The following DSCAML1 variants were observed in gnomAD, a reference collection of about 807,000 sequenced individuals.
DSCAML1 encodes the protein cell adhesion molecule DSCAML1.
A neutral mutation model predicts 200.5 loss-of-function variants in DSCAML1; 38 were observed. The observed-to-expected ratio is 0.19, with a 90% CI of 0.15 to 0.25. The LOEUF is 0.25. DSCAML1 is among the 10% of genes least tolerant of loss of function. The probability of loss-of-function intolerance (pLI) is 1.00; values close to 1 mark genes in which losing one functional copy is unlikely to be tolerated. For synonymous variants in DSCAML1, 1,215 were observed against 1,165.0 expected, an observed-to-expected ratio of 1.04 and a Z score of -0.87; for missense variants, 2,223 against 2,858.8, an observed-to-expected ratio of 0.78 and a Z score of 5.07.
chr11:117,772,076 C>T (rs550461551), intron 3 of DSCAML1, among the ~76,000 whole-genome samples: 10 of 152,118 alleles, frequency 6.6e-5, no homozygotes, highest in African/African-American at 2.2e-4. Context: ...TGTCTGGCCT[C>T]GTGGAAGAGG....
intron 17 of DSCAML1, 107 bp downstream of exon 17, chr11:117,464,835 A>G: frequency 6.6e-7 from 1 of 1,522,598 alleles, no homozygotes; most frequent in African/African-American, 1.4e-5. Context: ...CCACAGGACC[A>G]AAATGGGGCC....
chr11:117,716,248 G>C (rs1015679384), intron 3 of DSCAML1, among the ~76,000 whole-genome samples: 1 of 152,224 alleles, frequency 6.6e-6, no homozygotes, highest in Non-Finnish European at 1.5e-5. Flanking sequence ...TCTGTCCCTG[G>C]ATGGCCGGGG....
chr11:117,562,213 G>T (rs892854508), intron 3 of DSCAML1, among the ~76,000 whole-genome samples: 4 of 152,200 alleles, frequency 2.6e-5, no homozygotes, highest in Non-Finnish European at 4.4e-5. Context: ...CTGCCATGTG[G>T]AGTCTGAGGA....
rs556063078 is a variant in DSCAML1, at chr11:117,644,140, C to T, written c.512-111618G>A. The stretch of plus-strand genomic sequence containing the variant: ...CCTGGGCTCAGGGCCGCCCGGTCGG[C>T]CTGCCCCTTGACTCGGGCGCTTCCT... On this transcript the variant is annotated intron_variant, in intron 3 of 32. Transcript: ENST00000651296. 2.6e-5 allele frequency among the ~76,000 whole-genome samples: 4 copies of T among 152,348 alleles called. No individual in the cohort carries two copies. The South Asian group carries it at 8.3e-4, about 32-fold the overall frequency.
intron 3 of DSCAML1, among the ~76,000 whole-genome samples, chr11:117,698,750 T>G (rs2053622976): frequency 6.6e-6 from 1 of 152,222 alleles, no homozygotes; most frequent in Admixed American, 6.5e-5. Context: ...ATTCCATCCA[T>G]TTCGGAATCT....
chr11:117,687,424 C>CTTTTTTTTTTTTTTTTT (rs1440234665), intron 3 of DSCAML1, among the ~76,000 whole-genome samples: 2 of 51,810 alleles, frequency 3.9e-5, no homozygotes, highest in African/African-American at 2.2e-4. Flanking sequence ...CCATGCCTGG[C>CTTTTTTTTTTTTTTTTT]TATTTTTTTT....
Position 117,563,544 on chromosome 11 carries a change from C to T in DSCAML1, c.512-31022G>A, listed in dbSNP as rs144890912. Among the ~76,000 whole-genome samples, 923 of 152,302 alleles carry T rather than the reference C, an allele frequency of 6.1e-3. 4 individuals carry two copies. Among genetic ancestry groups the T allele is most frequent in the Non-Finnish European group, 8.4e-3 (570 of 68,028 alleles). ...AAGCTCCGTGCCAGAGGGAATCACA[C>T]GTTCACCTGTCATTAGGCCTTGTTC... On this transcript the variant is annotated intron_variant, in intron 3 of 32. Transcript: ENST00000651296.
At chr11:117,462,970 G>A (rs1005769954) in intron 17 of DSCAML1, among the ~76,000 whole-genome samples, 4 of 152,250 alleles carry the variant, frequency 2.6e-5, no homozygotes, top group Non-Finnish European at 5.9e-5. Flanking sequence ...CACGAGGCAA[G>A]GGAGGTGATG....
intron 3 of DSCAML1, among the ~76,000 whole-genome samples, chr11:117,689,404 A>T: frequency 6.6e-6 from 1 of 152,260 alleles, no homozygotes; most frequent in Non-Finnish European, 1.5e-5. Context: ...CTGATAACAC[A>T]AACCTTCGGG....
At chr11:117,763,833 A>C (rs2054847900) in intron 3 of DSCAML1, among the ~76,000 whole-genome samples, 1 of 152,076 alleles carries the variant, frequency 6.6e-6, no homozygotes, top group Non-Finnish European at 1.5e-5. Context: ...TCTAAATTTG[A>C]GAGCTGGCAG....
At chr11:117,691,288 C>T (rs148535992) in intron 3 of DSCAML1, among the ~76,000 whole-genome samples, 1 of 152,246 alleles carries the variant, frequency 6.6e-6, no homozygotes, top group Non-Finnish European at 1.5e-5. Context: ...GTCTGAGTAA[C>T]AGGGACCCTG....
chr11:117,529,037 C>CA (rs1216720833), intron 4 of DSCAML1, among the ~76,000 whole-genome samples: 1 of 149,934 alleles, frequency 6.7e-6, no homozygotes, highest in East Asian at 2.0e-4. Flanking sequence ...CTTCCTGTGT[C>CA]AGGCACTAGC....
chr11:117,448,393 C>G (rs746930010), intron 20 of DSCAML1, among the ~76,000 whole-genome samples: 39 of 152,166 alleles, frequency 2.6e-4, no homozygotes, highest in African/African-American at 1.2e-4. Flanking sequence ...GCACAGTGTT[C>G]AGCCTCTGGG....
intron 3 of DSCAML1, among the ~76,000 whole-genome samples, chr11:117,753,054 C>A (rs1178481198): frequency 6.6e-6 from 1 of 150,934 alleles, no homozygotes; most frequent in Non-Finnish European, 1.5e-5. Flanking sequence ...GGTAGACAGA[C>A]CTGGCTGAGT....
intron 19 of DSCAML1, among the ~76,000 whole-genome samples, chr11:117,457,175 C>T (rs897522757): frequency 6.6e-6 from 1 of 152,226 alleles, no homozygotes; most frequent in South Asian, 2.1e-4. Flanking sequence ...TATTTACCAG[C>T]GCCTTTTCCA....
At chr11:117,628,535 C>T (rs2052103492) in intron 3 of DSCAML1, among the ~76,000 whole-genome samples, 1 of 152,162 alleles carries the variant, frequency 6.6e-6, no homozygotes, top group Admixed American at 6.5e-5. Flanking sequence ...TATTCTGGCC[C>T]CTTGTATAGA....
chr11:117,752,837 A>G (rs2054625528), intron 3 of DSCAML1, among the ~76,000 whole-genome samples: 2 of 152,172 alleles, frequency 1.3e-5, no homozygotes, highest in Non-Finnish European at 2.9e-5. Flanking sequence ...TGCGGCGAGG[A>G]CACCCAGGAC....
rs1373468243 is a variant in DSCAML1, at chr11:117,516,164, G to T, written c.1783+303C>A. Among the ~76,000 whole-genome samples the T allele has an allele frequency of 1.3e-5, 2 of 152,128 alleles. No individual in the cohort carries two copies. Among genetic ancestry groups the T allele is most frequent in the African/African-American group, 2.4e-5 (1 of 41,440 alleles). ...CCCCATGCAGCCCATCTCTGACCTG[G>T]CCTCTCTCCCAGAAGGCAGCCTGCC... On this transcript the variant is annotated intron_variant, in intron 8 of 32. Transcript: ENST00000651296. The surrounding 1 kb of genome is among the most constrained non-coding windows in gnomAD (Gnocchi z 5.7).
chr11:117,743,924 G>A (rs1295753201), intron 3 of DSCAML1, among the ~76,000 whole-genome samples: 1 of 152,094 alleles, frequency 6.6e-6, no homozygotes, highest in Non-Finnish European at 1.5e-5. Context: ...TTGTCTCCAG[G>A]AACATGTTCA....
Sources: allele counts gnomAD v4.1 joint callset (sites outside exome capture counted in the v4.1 genomes callset), GRCh38; gene constraint gnomAD v4.1.1; non-coding constraint Gnocchi (gnomAD v3.1); transcripts MANE v1.5; gene names NCBI Gene and HGNC (gene_info 2026-07-23, HGNC 2026-07-21).